Variants in MRS2 observed in about 807,000 individuals in gnomAD.
The protein encoded by MRS2 is magnesium transporter MRS2 homolog, mitochondrial.
MRS2 carries 40 observed loss-of-function variants against 52.6 expected under a neutral mutation model. The ratio of observed to expected loss-of-function variants is 0.76; its 90% CI spans 0.59 to 0.99. MRS2 has a LOEUF of 0.99. Ranked by LOEUF, MRS2 falls within the 50% of genes least tolerant of loss-of-function variation. The pLI, the probability that MRS2 is intolerant of heterozygous loss-of-function variation, is 0.00. For missense variants in MRS2, 472 were observed against 532.7 expected (o/e 0.89, Z 1.12); for synonymous variants, 193 against 195.9 (o/e 0.98, Z 0.13).
chr6:24,405,872 G>A (rs957424033), intron 2 of MRS2, among the ~76,000 whole-genome samples: 1 of 151,054 alleles, frequency 6.6e-6, no homozygotes, highest in Non-Finnish European at 1.5e-5. Context: ...TTGGGAGGCC[G>A]AGGTGGGCAG....
chr6:24,403,056 C>G lies in MRS2; in HGVS notation c.10C>G (p.Leu4Val). MEC[L>V]RSLPCLLPRA... ...TTCTTGCTCCAGCACCATGGAATGCCTGCGCAGTTTACCCTGCCTCCTGCC... is the reference window on the plus strand; with the variant it reads ...TTCTTGCTCCAGCACCATGGAATGCGTGCGCAGTTTACCCTGCCTCCTGCC... Residue 4 changes from leucine to valine, a missense_variant, in exon 1 of 11, where the codon CTG becomes GTG. Leu to Val is a conservative substitution (Grantham distance 32). Transcript: ENST00000378386. 6.2e-7 allele frequency: 1 copy of G among 1,606,598 alleles called. No homozygotes were observed. Among genetic ancestry groups the G allele is most frequent in the East Asian group, 2.2e-5 (1 of 44,726 alleles).
chr6:24,422,830 G>A (rs1267259019), intron 9 of MRS2, 107 bp from the exon 10 acceptor site: 1 of 670,182 alleles, frequency 1.5e-6, no homozygotes, highest in Admixed American at 2.7e-5. Flanking sequence ...ACAGGAAAGA[G>A]CTGTACAAAT....
chr6:24,425,933 T>C lies in MRS2; in HGVS notation c.*2239T>C, dbSNP rs1762220748. 6.6e-6 allele frequency: 1 copy of C among 152,218 alleles called. No individual in the cohort carries two copies. Among genetic ancestry groups the C allele is most frequent in the African/African-American group, 2.4e-5 (1 of 41,458 alleles). The allele number at this position is 152,218 out of a possible 1,614,324, so 9.4% of individuals were successfully genotyped here. On this transcript the variant is annotated 3_prime_UTR_variant, in exon 11 of 11. Transcript: ENST00000378386. ...ATTAAAGTTGCACGTTGGATTTAAC[T>C]CTCATGACTTTAGTAATACCTACAG...
chr6:24,424,336 T>A lies in MRS2; in HGVS notation c.*642T>A, dbSNP rs1762157162. On this transcript the variant is annotated 3_prime_UTR_variant, in exon 11 of 11. Transcript: ENST00000378386. ...ACTAGTTTTCTTTGCTCTCTGTAAT[T>A]AGAGCCTTTGGAAGCAAAGTTGAAA... 1 of 151,424 alleles carries A rather than the reference T, an allele frequency of 6.6e-6. No homozygotes were observed. The highest frequency in any genetic ancestry group is 2.5e-5 in the African/African-American group (1 of 40,680). The allele number at this position is 151,424 out of a possible 1,614,324, so 9.4% of individuals were successfully genotyped here.
intron 4 of MRS2, among the ~76,000 whole-genome samples, chr6:24,411,120 G>A (rs1417187117): frequency 6.6e-6 from 1 of 151,576 alleles, no homozygotes; most frequent in Non-Finnish European, 1.5e-5. Flanking sequence ...AACCCTGAAG[G>A]TGGAGGTTGC....
At chr6:24,419,326 T>C (rs1173150888) in intron 9 of MRS2, 1 of 152,234 alleles carries the variant, frequency 6.6e-6, no homozygotes, top group African/African-American at 2.4e-5. Context: ...CAGGCAGTAC[T>C]GTTGGACCAT....
In MRS2 at chr6:24,412,261, T is replaced by C. The variant is rs759871685; in HGVS notation, c.454T>C (p.Leu152=). ...AVITPECLLI[L]DYRNLNLEQW... ...GATAACTCCAGAGTGTCTTCTGATA[T>C]TAGATTATCGTAATTTAAACTTAGA... Residue 152 remains leucine, a synonymous_variant, in exon 5 of 11, where the codon TTA becomes CTA. Transcript: ENST00000378386. 7 of 1,599,046 alleles carry C rather than the reference T, an allele frequency of 4.4e-6. No individual in the cohort carries two copies. The highest frequency in any genetic ancestry group is 1.7e-4 in the Middle Eastern group (1 of 5,918).
At position 24,403,222 on chromosome 6, in the gene MRS2, G is replaced by A. The variant is rs1761345003; in HGVS notation, c.176G>A (p.Arg59Gln). ...GCGGCGCAGCTTTGCGGGCCCGACC[G>A]GCTCCGCGTGGCAGGTACTGCCCTT... ...SRAAQLCGPD[R>Q]LRVAGEVHRF... Residue 59 changes from arginine (R) to glutamine (Q), a missense_variant, in exon 1 of 11, where the codon CGG becomes CAG. By Grantham distance (43) the Arg-to-Gln change is conservative (BLOSUM62 1). Transcript: ENST00000378386. 3 of 1,596,808 alleles carry A rather than the reference G, an allele frequency of 1.9e-6. No homozygotes were observed. The highest frequency in any genetic ancestry group is 2.5e-6 in the Non-Finnish European group (3 of 1,178,018).
intron 1 of MRS2, among the ~76,000 whole-genome samples, chr6:24,404,961 TTA>T (rs1472259360): frequency 6.6e-6 from 1 of 152,244 alleles, no homozygotes; most frequent in Non-Finnish European, 1.5e-5. Context: ...ACCTAAGCCA[TTA>T]GTTTTAAAAA....
At chr6:24,415,269 G>A in intron 6 of MRS2, 106 bp downstream of exon 6, 4 of 1,217,282 alleles carry the variant, frequency 3.3e-6, no homozygotes, top group Non-Finnish European at 4.4e-6. Context: ...AGTAGCCTAG[G>A]TGGGAAGTTG....
chr6:24,403,319 C>A (rs1192447591), intron 1 of MRS2, 83 bp downstream of exon 1: 3 of 1,352,162 alleles, frequency 2.2e-6, no homozygotes, highest in East Asian at 2.7e-5. Context: ...CGGCGCGGCG[C>A]GCCTGTTGCT....
Position 24,402,951 on chromosome 6 carries a change from C to A in MRS2, c.-96C>A, listed in dbSNP as rs898691651. ...TGCCTGGTGCACAGAGTCTGCAGGT[C>A]GGGCGGTAGCGACAGGTCAGAGCTG... On this transcript the variant is annotated 5_prime_UTR_variant, in exon 1 of 11. Transcript: ENST00000378386. 1.2e-5 allele frequency: 14 copies of A among 1,185,132 alleles called. No individual in the cohort carries two copies. In the African/African-American group the frequency reaches 2.0e-4, roughly 17 times the overall value. The allele number at this position is 1,185,132 out of a possible 1,614,324, so 73.4% of individuals were successfully genotyped here.
intron 7 of MRS2, among the ~76,000 whole-genome samples, chr6:24,417,067 T>C (rs1761877730): frequency 1.3e-5 from 2 of 152,262 alleles, no homozygotes. Flanking sequence ...ACCTTTGTAA[T>C]GAGTTTAGTT....
intron 10 of MRS2, 60 bp from the exon 11 acceptor site, chr6:24,423,524 T>C: frequency 2.1e-6 from 2 of 932,038 alleles, no homozygotes; most frequent in South Asian, 3.1e-5. Context: ...TAATACATCA[T>C]TTTACTAGTG....
chr6:24,418,660 AG>A (rs561140362), intron 9 of MRS2, 82 bp downstream of exon 9: 229 of 1,035,358 alleles, frequency 2.2e-4, no homozygotes, highest in Admixed American at 3.5e-4. Context: ...GCACTTTAGG[AG>A]GCTGAGGCAG....
chr6:24,420,096 G>A (rs1761992991), intron 9 of MRS2, among the ~76,000 whole-genome samples: 2 of 152,124 alleles, frequency 1.3e-5, no homozygotes, highest in South Asian at 4.1e-4. Context: ...TTAGCCTTAG[G>A]ATAAAAATCC....
At position 24,408,410 on chromosome 6, in the gene MRS2, A is replaced by T; in HGVS notation, c.267A>T (p.Thr89=). The change falls in exon 3 of 11, where the codon ACA becomes ACT. Residue 89 remains threonine, a splice_region_variant and synonymous_variant. Transcript: ENST00000378386. The part of the protein sequence containing the change: ...LASVAPVFTV[T]KFDKQGNVTS... ...TTTGTTTTATTCTCTATTTTCAGAC[A>T]AAATTTGACAAACAGGGAAACGTTA... is the stretch of plus-strand genomic sequence containing the variant. The T allele has an allele frequency of 6.3e-7, 1 of 1,581,806 alleles. No homozygotes were observed. The highest frequency in any genetic ancestry group is 8.7e-7 in the Non-Finnish European group (1 of 1,151,870).
intron 7 of MRS2, among the ~76,000 whole-genome samples, chr6:24,417,867 G>C (rs531682889): frequency 1.9e-4 from 29 of 152,074 alleles, no homozygotes; most frequent in African/African-American, 6.5e-4. Context: ...GCTTGAACCT[G>C]GGAGGCAGAG....
At chr6:24,408,721 G>C (rs1330077473) in intron 3 of MRS2, among the ~76,000 whole-genome samples, 1 of 152,148 alleles carries the variant, frequency 6.6e-6, no homozygotes, top group East Asian at 1.9e-4. Flanking sequence ...TGTAGAACTG[G>C]AGCCCAGAGA....
Sources: gnomAD v4.1 joint callset for allele counts (sites outside exome capture counted in the v4.1 genomes callset) on GRCh38, gnomAD v4.1.1 for gene constraint, MANE v1.5 for transcripts, NCBI Gene and HGNC (gene_info 2026-07-23, HGNC 2026-07-21) for gene names.